ARAP2: variants seen among roughly 807,000 people sequenced by gnomAD.
ARAP2 encodes the protein arf-GAP with Rho-GAP domain, ANK repeat and PH domain-containing protein 2.
In ARAP2, 148 loss-of-function variants were observed where a neutral mutation model predicts 194.5. The observed-to-expected ratio is 0.76, with a 90% CI of 0.67 to 0.87. The LOEUF (loss-of-function observed/expected upper bound fraction) is 0.87, where lower values mean the gene tolerates loss of function less well. Ranked by LOEUF, ARAP2 falls within the 40% of genes least tolerant of loss-of-function variation. The pLI is 0.00. For missense variants in ARAP2, 2,128 were observed against 1,989.7 expected, an observed-to-expected ratio of 1.07 and a Z score of -1.32; for synonymous variants, 695 against 683.5, an observed-to-expected ratio of 1.02 and a Z score of -0.26.
chr4:36,021,625 T>C (rs951040181), intron 5 of ARAP2, among the ~76,000 whole-genome samples: 1 of 152,236 alleles, frequency 6.6e-6, no homozygotes, highest in South Asian at 2.1e-4. Flanking sequence ...CTAGGCTTCC[T>C]GTATAGGCTG....
At chr4:36,047,983 T>G (rs1722092946) in intron 3 of ARAP2, among the ~76,000 whole-genome samples, 1 of 152,184 alleles carries the variant, frequency 6.6e-6, no homozygotes, top group African/African-American at 2.4e-5. Context: ...GAATATACAT[T>G]ACAGTGAAGA....
At chr4:36,166,180 G>C (rs1735242870) in intron 10 of ARAP2, among the ~76,000 whole-genome samples, 1 of 151,976 alleles carries the variant, frequency 6.6e-6, no homozygotes, top group Non-Finnish European at 1.5e-5. Context: ...CAGTATATTT[G>C]AAATTCCTAA....
intron 27 of ARAP2, among the ~76,000 whole-genome samples, chr4:36,102,942 A>C (rs1717399062): frequency 6.6e-6 from 1 of 151,852 alleles, no homozygotes; most frequent in Admixed American, 6.6e-5. Context: ...AAAAAAGAAA[A>C]ATTTCCAATT....
intron 26 of ARAP2, among the ~76,000 whole-genome samples, chr4:36,111,108 A>G (rs1448667968): frequency 6.6e-6 from 1 of 152,010 alleles, no homozygotes; most frequent in African/African-American, 2.4e-5. Flanking sequence ...ACAGATACTT[A>G]AAATCTAGCA....
intron 22 of ARAP2, 97 bp from the exon 23 acceptor site, chr4:36,121,423 G>T: frequency 9.0e-7 from 1 of 1,114,082 alleles, no homozygotes; most frequent in Non-Finnish European, 1.2e-6. Context: ...CAGCAATATT[G>T]GAATTCTCTG....
intron 2 of ARAP2, among the ~76,000 whole-genome samples, chr4:36,215,775 G>A (rs1324352379): frequency 6.6e-6 from 1 of 151,988 alleles, no homozygotes; most frequent in Non-Finnish European, 1.5e-5. Flanking sequence ...CTTGAGCCCA[G>A]GAGGCGGAGC....
chr4:36,105,511 A>T (rs6852418), intron 27 of ARAP2, among the ~76,000 whole-genome samples: 143,274 of 152,042 alleles, frequency 0.94, 67,575 homozygotes, highest in African/African-American at 0.98. Context: ...CACACTCATA[A>T]CTCCATCTAG....
chr4:36,158,888 C>G, intron 14 of ARAP2, 24 bp from the exon 15 acceptor site: 3 of 1,564,696 alleles, frequency 1.9e-6, no homozygotes, highest in Non-Finnish European at 2.6e-6. Context: ...AGAAATAAGG[C>G]ACAAGAAATC....
chr4:36,085,299 T>C (rs1730553173), intron 28 of ARAP2, among the ~76,000 whole-genome samples: 1 of 152,102 alleles, frequency 6.6e-6, no homozygotes, highest in Non-Finnish European at 1.5e-5. Flanking sequence ...TGATAAATAT[T>C]CAGTTCCATG....
At chr4:36,190,481 C>T (rs1453708399) in intron 7 of ARAP2, among the ~76,000 whole-genome samples, 2 of 152,132 alleles carry the variant, frequency 1.3e-5, no homozygotes, top group Admixed American at 1.3e-4. Flanking sequence ...TTATAACAAT[C>T]TCTGATGGCT....
chr4:36,112,663 A>T (rs1720320079), intron 26 of ARAP2, among the ~76,000 whole-genome samples: 1 of 151,742 alleles, frequency 6.6e-6, no homozygotes. Flanking sequence ...GCTCCTATAT[A>T]CTAGGCACTA....
intron 1 of ARAP2, among the ~76,000 whole-genome samples, chr4:36,237,047 G>T (rs1025081264): frequency 6.6e-6 from 1 of 152,144 alleles, no homozygotes; most frequent in African/African-American, 2.4e-5. Flanking sequence ...ACATTTAACT[G>T]CCCAAGAGTT....
intron 8 of ARAP2, among the ~76,000 whole-genome samples, chr4:36,185,079 T>TCTA (rs1740210024): frequency 6.6e-6 from 1 of 152,146 alleles, no homozygotes; most frequent in East Asian, 1.9e-4. Context: ...CCGGCCACAG[T>TCTA]CTGTGCCACA....
chr4:36,056,807 G>C (rs1464926523), intron 2 of ARAP2, among the ~76,000 whole-genome samples: 2 of 151,852 alleles, frequency 1.3e-5, no homozygotes, highest in African/African-American at 4.8e-5. Context: ...CTTTTAGCAG[G>C]TACCTCAGAA....
At position 36,082,193 on chromosome 4, in the gene ARAP2, C is replaced by A. The variant is rs907998731; in HGVS notation, c.4544+58G>T. 11 of 1,490,300 alleles carry A rather than the reference C, an allele frequency of 7.4e-6. 1 individual carries two copies. Among genetic ancestry groups the A allele is most frequent in the East Asian group, 2.3e-5 (1 of 43,618 alleles). 92.3% of individuals were successfully genotyped at this position (1,490,300 alleles called of 1,614,324 possible). A position where few individuals can be genotyped will look rare whatever the true frequency, so the allele number is the denominator to read the frequency against. On this transcript the variant is annotated intron_variant, in intron 30 of 32. Coordinates refer to ENST00000303965, the MANE Select transcript of ARAP2 (RefSeq NM_015230.4). ...TCTATCTGCAATTACTGAAATTATT[C>A]TTTTCCTGAAATTGTCACCAATATA... is the stretch of plus-strand genomic sequence containing the variant.
At position 36,119,571 on chromosome 4, in the gene ARAP2, A is replaced by G. The variant is rs1030819844; in HGVS notation, c.3963+79T>C. On this transcript the variant is annotated intron_variant, in intron 24 of 32. Coordinates refer to ENST00000303965, the MANE Select transcript of ARAP2 (RefSeq NM_015230.4). ...TTGCTTAAAATAGGAACTTGAAAAT[A>G]CACACAGCAAATGTCTTTACTTACA... The G allele has an allele frequency of 9.8e-6, 10 of 1,018,098 alleles. No individual in the cohort carries two copies. In the African/African-American group the frequency reaches 1.5e-4, roughly 15 times the overall value. 63.1% of individuals were successfully genotyped at this position (1,018,098 alleles called of 1,614,324 possible).
intron 2 of ARAP2, among the ~76,000 whole-genome samples, chr4:36,216,247 C>T (rs188838413): frequency 6.6e-6 from 1 of 152,062 alleles, no homozygotes; most frequent in East Asian, 1.9e-4. Flanking sequence ...CAGAACAAGA[C>T]CCTGTCTCAA....
chr4:36,242,219 A>G (rs1032296783), intron 1 of ARAP2, among the ~76,000 whole-genome samples: 1 of 152,204 alleles, frequency 6.6e-6, no homozygotes, highest in Non-Finnish European at 1.5e-5. Flanking sequence ...CATATTTCCC[A>G]GATTATTAAG....
At chr4:36,243,240 G>C (rs1753891503) in intron 1 of ARAP2, among the ~76,000 whole-genome samples, 1 of 151,912 alleles carries the variant, frequency 6.6e-6, no homozygotes, top group South Asian at 2.1e-4. Context: ...TACTGAGCTT[G>C]TAAGTACAAT....
Sources: allele counts gnomAD v4.1 joint callset (sites outside exome capture counted in the v4.1 genomes callset), GRCh38; gene constraint gnomAD v4.1.1; transcripts MANE v1.5; gene names NCBI Gene and HGNC (gene_info 2026-07-23, HGNC 2026-07-21).